Variants in EHBP1 observed in about 807,000 individuals in gnomAD.
EHBP1 encodes the protein EH domain-binding protein 1.
Under a neutral mutation model 144.0 loss-of-function variants are expected in EHBP1, and 55 were observed. That is an observed-to-expected ratio of 0.38 (90% CI 0.31 to 0.48). The LOEUF (loss-of-function observed/expected upper bound fraction) is 0.48. EHBP1 is among the 20% of genes least tolerant of loss of function. EHBP1 has a pLI of 0.98. For synonymous variants in EHBP1, 469 were observed against 472.7 expected (o/e 0.99, Z 0.10); for missense variants, 1,200 against 1,364.2 (o/e 0.88, Z 1.90).
At chr2:62,868,568 C>T (rs531204435) in intron 9 of EHBP1, among the ~76,000 whole-genome samples, 1 of 152,122 alleles carries the variant, frequency 6.6e-6, no homozygotes, top group Non-Finnish European at 1.5e-5. Flanking sequence ...AAAAAGCAAG[C>T]CACAGTTTGG....
chr2:62,679,190 T>C (rs1400441408), intron 1 of EHBP1, among the ~76,000 whole-genome samples: 2 of 152,202 alleles, frequency 1.3e-5, no homozygotes, highest in East Asian at 3.8e-4. Context: ...GGTTTATTGA[T>C]CCCCAAATAA....
chr2:62,841,149 A>G (rs1211376130), intron 7 of EHBP1, among the ~76,000 whole-genome samples: 2 of 152,294 alleles, frequency 1.3e-5, no homozygotes, highest in African/African-American at 2.4e-5. Context: ...ACCATGGAAT[A>G]TTATGCAGCC....
intron 14 of EHBP1, among the ~76,000 whole-genome samples, chr2:62,976,285 C>A (rs982734104): frequency 1.3e-5 from 2 of 152,078 alleles, no homozygotes; most frequent in Non-Finnish European, 2.9e-5. Context: ...TAACCTACCC[C>A]CATTAATTTT....
At chr2:63,031,459 AC>A (rs1171200710) in intron 19 of EHBP1, among the ~76,000 whole-genome samples, 1 of 152,226 alleles carries the variant, frequency 6.6e-6, no homozygotes, top group Non-Finnish European at 1.5e-5. Flanking sequence ...CATTAAATGT[AC>A]CTTAAAAAAT....
intron 15 of EHBP1, among the ~76,000 whole-genome samples, chr2:62,988,199 T>G (rs796234547): frequency 6.6e-6 from 1 of 152,208 alleles, no homozygotes; most frequent in South Asian, 2.1e-4. Flanking sequence ...TTTTATGTTA[T>G]TTTGTTTTAG....
chr2:62,703,756 A>AT (rs1234511364), upstream of EHBP1, among the ~76,000 whole-genome samples: 48 of 151,730 alleles, frequency 3.2e-4, no homozygotes, highest in South Asian at 7.9e-3. Flanking sequence ...CTACTCCTTT[A>AT]TTTTTTTTTA....
intron 5 of EHBP1, among the ~76,000 whole-genome samples, chr2:62,788,468 T>C (rs965120734): frequency 1.3e-5 from 2 of 152,058 alleles, no homozygotes; most frequent in African/African-American, 4.8e-5. Context: ...TATGGACTTT[T>C]CCTGTGTACC....
chr2:62,857,276 T>C (rs1296446556), intron 7 of EHBP1, among the ~76,000 whole-genome samples: 1 of 152,198 alleles, frequency 6.6e-6, no homozygotes, highest in Non-Finnish European at 1.5e-5. Context: ...TGTAGGTATT[T>C]GTTAAGTCTG....
chr2:62,722,622 A>G (rs1329999770), intron 2 of EHBP1, among the ~76,000 whole-genome samples: 2 of 152,138 alleles, frequency 1.3e-5, no homozygotes, highest in Admixed American at 6.5e-5. Flanking sequence ...CATATGTTAC[A>G]TTTAGTTGTC....
Position 62,948,561 on chromosome 2 carries a change from T to A in EHBP1, c.1715T>A (p.Phe572Tyr). 6.2e-7 allele frequency: 1 copy of A among 1,614,120 alleles called. No homozygotes were observed. Reference sequence around the variant, plus strand: ...CAGCCTATCAGCGGAGCAGTAGACTTCTTATCACAGGATGACTCTGTATTT... The same window carrying A: ...CAGCCTATCAGCGGAGCAGTAGACTACTTATCACAGGATGACTCTGTATTT... ...LQQPISGAVD[F>Y]LSQDDSVFVN... Residue 572 changes from phenylalanine (F) to tyrosine (Y), a missense_variant, in exon 13 of 23, where the codon TTC becomes TAC. By Grantham distance (22) the Phe-to-Tyr change is conservative. Around this residue, in one of 6 missense-constraint regions of EHBP1, gnomAD observed 543 missense variants for 513.1 expected, o/e 1.06. Coordinates refer to ENST00000431489, the MANE Select transcript of EHBP1 (RefSeq NM_001142616.3).
intron 14 of EHBP1, among the ~76,000 whole-genome samples, chr2:62,970,704 A>T (rs181696504): frequency 4.3e-4 from 66 of 152,264 alleles, no homozygotes; most frequent in African/African-American, 1.5e-3. Flanking sequence ...GATTCTTAAG[A>T]TCCAAAGGCT....
chr2:62,938,354 G>A (rs542163783), intron 10 of EHBP1, among the ~76,000 whole-genome samples: 2 of 152,312 alleles, frequency 1.3e-5, no homozygotes, highest in East Asian at 3.9e-4. Flanking sequence ...ATGCCTAGAG[G>A]AATATGTGGC....
At chr2:62,784,896 T>C (rs897467302) in intron 5 of EHBP1, among the ~76,000 whole-genome samples, 8 of 152,110 alleles carry the variant, frequency 5.3e-5, no homozygotes, top group Non-Finnish European at 1.2e-4. Context: ...TGAAAACATA[T>C]AGATTTGCCC....
intron 5 of EHBP1, among the ~76,000 whole-genome samples, chr2:62,776,570 AT>A (rs1267990731): frequency 7.2e-5 from 11 of 152,132 alleles, no homozygotes; most frequent in Non-Finnish European, 4.4e-5. Context: ...CCTCTCAATG[AT>A]TTCTAGACTT....
intron 3 of EHBP1, among the ~76,000 whole-genome samples, chr2:62,760,665 T>G (rs560020885): frequency 2.4e-4 from 37 of 152,320 alleles, no homozygotes; most frequent in South Asian, 1.4e-3. Context: ...TTGATCACTG[T>G]GTCATACACT....
chr2:62,841,701 T>C (rs544945453), intron 7 of EHBP1, among the ~76,000 whole-genome samples: 1 of 152,330 alleles, frequency 6.6e-6, no homozygotes, highest in East Asian at 1.9e-4. Flanking sequence ...TTTTTAAATG[T>C]GATATCTTTC....
At chr2:62,702,376 G>C (rs886091238), upstream of EHBP1, among the ~76,000 whole-genome samples, 2 of 152,136 alleles carry the variant, frequency 1.3e-5, no homozygotes, top group Admixed American at 1.3e-4. Flanking sequence ...AGAGGGAGAC[G>C]ATAAATCAAG....
intron 19 of EHBP1, among the ~76,000 whole-genome samples, chr2:63,008,916 T>C (rs534371692): frequency 6.6e-6 from 1 of 151,750 alleles, no homozygotes; most frequent in South Asian, 2.1e-4. Context: ...TGTATAAATA[T>C]GTTGTAAGGT....
At chr2:62,810,806 T>C (rs2044938427) in intron 5 of EHBP1, among the ~76,000 whole-genome samples, 1 of 152,242 alleles carries the variant, frequency 6.6e-6, no homozygotes, top group Non-Finnish European at 1.5e-5. Context: ...TTGTTTCTTG[T>C]TTAAGGTTAA....
Sources: gnomAD v4.1 joint callset for allele counts (sites outside exome capture counted in the v4.1 genomes callset) on GRCh38, gnomAD v4.1.1 for gene constraint, gnomAD v4.1.1 regional missense constraint, MANE v1.5 for transcripts, NCBI Gene and HGNC (gene_info 2026-07-23, HGNC 2026-07-21) for gene names.